Variants in INPP5A observed in about 807,000 individuals in gnomAD.
The protein encoded by INPP5A is 43 kDa inositol polyphosphate 5-phophatase.
In INPP5A, 14 loss-of-function variants were observed where a neutral mutation model predicts 65.2. The observed-to-expected ratio is 0.21, with a 90% CI of 0.14 to 0.34. The LOEUF (loss-of-function observed/expected upper bound fraction) is 0.34. Among genes scored for constraint, INPP5A ranks in the 10% least tolerant of loss-of-function variants. The pLI, the probability that INPP5A is intolerant of heterozygous loss-of-function variation, is 1.00. For missense variants in INPP5A, 431 were observed against 545.6 expected, an observed-to-expected ratio of 0.79 and a Z score of 2.09; for synonymous variants, 207 against 208.3, an observed-to-expected ratio of 0.99 and a Z score of 0.05.
intron 4 of INPP5A, among the ~76,000 whole-genome samples, chr10:132,688,209 C>T (rs1335055695): frequency 2.0e-5 from 3 of 152,214 alleles, no homozygotes; most frequent in Non-Finnish European, 2.9e-5. Flanking sequence ...GTTACTGGCA[C>T]GATTGGCCCT....
chr10:132,710,214 C>T (rs1040887203), intron 7 of INPP5A, 123 bp from the exon 8 acceptor site: 78 of 1,125,180 alleles, frequency 6.9e-5, no homozygotes, highest in Non-Finnish European at 8.9e-5. Flanking sequence ...TGCCCCGCCT[C>T]GGGTGGCTCC....
intron 13 of INPP5A, among the ~76,000 whole-genome samples, chr10:132,779,640 C>A (rs1847124383): frequency 6.6e-6 from 1 of 152,264 alleles, no homozygotes; most frequent in Non-Finnish European, 1.5e-5. Flanking sequence ...CACCTGGCGG[C>A]CTTTGACAGC....
intron 1 of INPP5A, among the ~76,000 whole-genome samples, chr10:132,591,160 A>G (rs746173472): frequency 6.6e-6 from 1 of 152,140 alleles, no homozygotes; most frequent in African/African-American, 2.4e-5. Context: ...AGTTCTTTCA[A>G]TTGCAAGAAG....
intron 1 of INPP5A, among the ~76,000 whole-genome samples, chr10:132,592,160 A>G (rs969535159): frequency 9.2e-5 from 14 of 152,228 alleles, no homozygotes; most frequent in Admixed American, 8.5e-4. Context: ...AATACAGAAA[A>G]AAACCCCAGA....
intron 8 of INPP5A, among the ~76,000 whole-genome samples, chr10:132,718,757 G>A (rs1380578951): frequency 1.4e-4 from 20 of 147,282 alleles, no homozygotes; most frequent in African/African-American, 4.3e-4. Flanking sequence ...CACCTTAGAC[G>A]ACTGTCTTCA....
Position 132,688,467 on chromosome 10 carries a change from T to G in INPP5A, c.307-1925T>G, listed in dbSNP as rs1281355122. Among the ~76,000 whole-genome samples the G allele has an allele frequency of 7.9e-5, 12 of 152,322 alleles. No individual in the cohort carries two copies. In the East Asian group the frequency reaches 2.3e-3, roughly 29 times the overall value. Reference sequence around the variant, plus strand: ...GTGATGTTCAGGCATTGCCTTTGACTTTCTTAGAGAGACAATAGCTCTGCA... The same window carrying G: ...GTGATGTTCAGGCATTGCCTTTGACGTTCTTAGAGAGACAATAGCTCTGCA... On this transcript the variant is annotated intron_variant, in intron 4 of 15. Transcript: ENST00000368594.
chr10:132,625,242 T>C (rs1272043692), intron 2 of INPP5A, among the ~76,000 whole-genome samples: 3 of 150,016 alleles, frequency 2.0e-5, no homozygotes, highest in Admixed American at 1.3e-4. Flanking sequence ...TCCTTCCCCC[T>C]CACGTGGCTC....
rs77763157 is a variant in INPP5A at position 132,546,671 on chromosome 10, G to A, written c.75+8500G>A. Among the ~76,000 whole-genome samples, 9,813 of 152,208 alleles carry A rather than the reference G, an allele frequency of 0.064. 369 individuals carry two copies. The highest frequency in any genetic ancestry group is 0.089 in the Non-Finnish European group (6,065 of 67,960). ...TGGGCGTCTCTGTGTGGGGTCTCCTGGCTCCTGCAGATCTGTGTAGCCTGC... is the reference window on the plus strand; with the variant it reads ...TGGGCGTCTCTGTGTGGGGTCTCCTAGCTCCTGCAGATCTGTGTAGCCTGC... On this transcript the variant is annotated intron_variant, in intron 1 of 15. Transcript: ENST00000368594. The surrounding 1 kb of genome is among the most constrained non-coding windows in gnomAD (Gnocchi z 5.7).
At chr10:132,605,216 A>G (rs1190896443) in intron 1 of INPP5A, among the ~76,000 whole-genome samples, 1 of 7,286 alleles carries the variant, frequency 1.4e-4, no homozygotes, top group African/African-American at 6.5e-4. Flanking sequence ...GGAGTGGGGG[A>G]GGGGCTGGGG....
At chr10:132,634,799 G>A (rs907628019) in intron 2 of INPP5A, among the ~76,000 whole-genome samples, 4 of 152,246 alleles carry the variant, frequency 2.6e-5, no homozygotes, top group African/African-American at 9.6e-5. Context: ...GCTCACGGTG[G>A]CCCTCCCAGG....
At chr10:132,685,312 G>A (rs1455365541) in intron 4 of INPP5A, among the ~76,000 whole-genome samples, 1 of 152,262 alleles carries the variant, frequency 6.6e-6, no homozygotes, top group Non-Finnish European at 1.5e-5. Flanking sequence ...ACTGGGAGCT[G>A]GCACCTGTGG....
chr10:132,616,380 CGTG>C lies in INPP5A; in HGVS notation c.117+8428_117+8430del, dbSNP rs2072033877. On this transcript the variant is annotated intron_variant, in intron 2 of 15. Transcript: ENST00000368594. The surrounding 1 kb of genome is among the most constrained non-coding windows in gnomAD (Gnocchi z 4.9). ...ACGTGGCGTGCGGGGACGCCGTGGGCGTGGTGTGAGGTATGTGGCGTGCGGGGA... is the reference window on the plus strand; with the variant it reads ...ACGTGGCGTGCGGGGACGCCGTGGGCGTGTGAGGTATGTGGCGTGCGGGGA... Among the ~76,000 whole-genome samples, 1 of 149,296 alleles carries C rather than the reference CGTG, an allele frequency of 6.7e-6. No individual in the cohort carries two copies. Among genetic ancestry groups the C allele is most frequent in the Non-Finnish European group, 1.5e-5 (1 of 67,126 alleles).
chr10:132,596,586 C>A (rs1228963606), intron 1 of INPP5A, among the ~76,000 whole-genome samples: 1 of 152,118 alleles, frequency 6.6e-6, no homozygotes, highest in South Asian at 2.1e-4. Context: ...CACCACCATG[C>A]CCGGCTAATT....
intron 1 of INPP5A, among the ~76,000 whole-genome samples, chr10:132,570,431 TTCC>T (rs2071327045): frequency 6.6e-6 from 1 of 152,140 alleles, no homozygotes; most frequent in African/African-American, 2.4e-5. Flanking sequence ...AGGGTTTTCC[TTCC>T]GACGAGGTAT....
intron 3 of INPP5A, among the ~76,000 whole-genome samples, chr10:132,646,894 C>T (rs551576076): frequency 8.5e-5 from 13 of 152,316 alleles, no homozygotes; most frequent in South Asian, 2.1e-4. Context: ...CACCCGGAGT[C>T]GGGACCTGTG....
rs1284861991 is a variant in INPP5A at position 132,663,699 on chromosome 10, C to T, written c.306+13194C>T. ...CAGTGGAGTCTGTGCCTGTGGCAGCCGTCTGCATGACTTTGGGTCATTGCG... is the reference window on the plus strand; with the variant it reads ...CAGTGGAGTCTGTGCCTGTGGCAGCTGTCTGCATGACTTTGGGTCATTGCG... On this transcript the variant is annotated intron_variant, in intron 4 of 15. Coordinates refer to ENST00000368594, the MANE Select transcript of INPP5A (RefSeq NM_005539.5). This position sits in a 1 kb window ranked among gnomAD's most constrained non-coding sequence, Gnocchi z 4.5. Among the ~76,000 whole-genome samples, 1 of 152,182 alleles carries T rather than the reference C, an allele frequency of 6.6e-6. No individual in the cohort carries two copies. Among genetic ancestry groups the T allele is most frequent in the Non-Finnish European group, 1.5e-5 (1 of 68,038 alleles).
chr10:132,602,923 T>A (rs73399372), intron 1 of INPP5A, among the ~76,000 whole-genome samples: 8 of 152,364 alleles, frequency 5.3e-5, no homozygotes, highest in Non-Finnish European at 1.0e-4. Context: ...TCTACCACGA[T>A]GACAGCAATT....
rs11146455 is a variant in INPP5A at position 132,663,911 on chromosome 10, C to T, written c.306+13406C>T. On this transcript the variant is annotated intron_variant, in intron 4 of 15. Transcript: ENST00000368594. This position sits in a 1 kb window ranked among gnomAD's most constrained non-coding sequence, Gnocchi z 4.5. ...TGGCAAAGGCTGGGCCAAGGTGCCT[C>T]GTGGGCAGCCGATCCATCAGGCGGC... Among the ~76,000 whole-genome samples the T allele has an allele frequency of 2.0e-5, 3 of 152,324 alleles. No individual in the cohort carries two copies. Among genetic ancestry groups the T allele is most frequent in the South Asian group, 4.1e-4 (2 of 4,826 alleles).
intron 11 of INPP5A, among the ~76,000 whole-genome samples, chr10:132,765,121 A>G (rs1320684109): frequency 1.3e-5 from 2 of 149,222 alleles, no homozygotes; most frequent in South Asian, 2.2e-4. Context: ...ACTCAGGAAC[A>G]TGGTCGGGCC....
Sources: allele counts gnomAD v4.1 joint callset (sites outside exome capture counted in the v4.1 genomes callset), GRCh38; gene constraint gnomAD v4.1.1; non-coding constraint Gnocchi (gnomAD v3.1); transcripts MANE v1.5; gene names NCBI Gene and HGNC (gene_info 2026-07-23, HGNC 2026-07-21).